LRRIQ3: variants seen among roughly 807,000 people sequenced by gnomAD.
The protein encoded by LRRIQ3 is leucine-rich repeat and IQ domain-containing protein 3.
LRRIQ3 carries 75 observed loss-of-function variants against 59.3 expected under a neutral mutation model. The ratio of observed to expected loss-of-function variants is 1.26; its 90% CI spans 1.05 to 1.53. The LOEUF is 1.53. LRRIQ3 is among the 40% of genes most tolerant of loss of function. The pLI is 0.00. For synonymous variants in LRRIQ3, 250 were observed against 231.3 expected, an observed-to-expected ratio of 1.08 and a Z score of -0.73; for missense variants, 831 against 710.0, an observed-to-expected ratio of 1.17 and a Z score of -1.94.
chr1:74,169,938 C>CT (rs1649219779), intron 3 of LRRIQ3, among the ~76,000 whole-genome samples: 3 of 152,016 alleles, frequency 2.0e-5, no homozygotes, highest in Non-Finnish European at 4.4e-5. Context: ...TTTCATATAT[C>CT]TTTTTTATGT....
intron 4 of LRRIQ3, among the ~76,000 whole-genome samples, chr1:74,154,590 G>A (rs953193999): frequency 6.6e-5 from 10 of 152,200 alleles, no homozygotes; most frequent in South Asian, 2.1e-4. Context: ...TTACATGAGC[G>A]TCAGTGAGAA....
At chr1:74,098,207 G>A (rs1189059923) in intron 5 of LRRIQ3, among the ~76,000 whole-genome samples, 1 of 152,040 alleles carries the variant, frequency 6.6e-6, no homozygotes. Flanking sequence ...AGGGATGGAG[G>A]AAGATTTACC....
Position 74,098,975 on chromosome 1 carries a change from G to A in LRRIQ3, c.867+10419C>T, listed in dbSNP as rs146530040. Among the ~76,000 whole-genome samples, 492 of 152,018 alleles carry A rather than the reference G, an allele frequency of 3.2e-3. 1 individual carries two copies. Among genetic ancestry groups the A allele is most frequent in the African/African-American group, 0.011 (459 of 41,482 alleles). On this transcript the variant is annotated intron_variant, in intron 5 of 7. Transcript: ENST00000354431. ...TAGGAAAGATCTAAAATTGACACCC[G>A]AACATCACAATGAAAAGAACTAGAG... is the stretch of plus-strand genomic sequence containing the variant.
In LRRIQ3 at chr1:74,055,160, C is replaced by T. The variant is rs374061282; in HGVS notation, c.998-13227G>A. ...ACACATGCATACATACACATACACA[C>T]ACATACATACATATACACTTTATAT... is the stretch of plus-strand genomic sequence containing the variant. On this transcript the variant is annotated intron_variant, in intron 6 of 7. Transcript: ENST00000354431. Among the ~76,000 whole-genome samples, 23 of 136,692 alleles carry T rather than the reference C, an allele frequency of 1.7e-4. No homozygotes were observed. In the East Asian group the frequency reaches 4.3e-3, roughly 26 times the overall value. The allele number at this position is 136,692 out of a possible 152,430, so 89.7% of individuals were successfully genotyped here.
At chr1:74,187,025 T>C (rs1376034553) in intron 1 of LRRIQ3, among the ~76,000 whole-genome samples, 1 of 151,490 alleles carries the variant, frequency 6.6e-6, no homozygotes, top group Non-Finnish European at 1.5e-5. Context: ...AATTAAAAAG[T>C]CAAAAAACAA....
chr1:74,155,604 G>T, intron 4 of LRRIQ3, 129 bp downstream of exon 4: 1 of 705,452 alleles, frequency 1.4e-6, no homozygotes, highest in Non-Finnish European at 2.2e-6. Flanking sequence ...TTAAAGTTAG[G>T]TTAAACAGAC....
chr1:74,163,243 CTTT>C (rs1648763932), intron 3 of LRRIQ3, among the ~76,000 whole-genome samples: 1 of 151,170 alleles, frequency 6.6e-6, no homozygotes, highest in African/African-American at 2.4e-5. Flanking sequence ...TCATTTTTAC[CTTT>C]TTATTTATTC....
intron 6 of LRRIQ3, 120 bp from the exon 7 acceptor site, chr1:74,042,053 T>C: frequency 9.8e-7 from 1 of 1,019,722 alleles, no homozygotes; most frequent in South Asian, 3.2e-5. Flanking sequence ...AGAAGAATTT[T>C]TCCCAAGTAC....
intron 4 of LRRIQ3, among the ~76,000 whole-genome samples, chr1:74,135,389 C>A (rs530962579): frequency 6.6e-6 from 1 of 151,962 alleles, no homozygotes; most frequent in African/African-American, 2.4e-5. Context: ...TATAGGAACT[C>A]TATCAACTAA....
intron 2 of LRRIQ3, chr1:74,183,161 C>G: frequency 3.2e-6 from 1 of 315,098 alleles, no homozygotes; most frequent in Admixed American, 4.6e-5. Context: ...CTTTCCTTAC[C>G]TAAGGAAAAT....
chr1:74,179,153 A>G (rs1649814561), intron 3 of LRRIQ3, among the ~76,000 whole-genome samples: 1 of 152,094 alleles, frequency 6.6e-6, no homozygotes, highest in African/African-American at 2.4e-5. Context: ...AAAAAGTTAC[A>G]TATATACAAC....
chr1:74,177,856 A>G (rs1169737970), intron 3 of LRRIQ3, among the ~76,000 whole-genome samples: 1 of 151,912 alleles, frequency 6.6e-6, no homozygotes, highest in African/African-American at 2.4e-5. Context: ...CTATGTGCTT[A>G]TTTTTCCACA....
intron 4 of LRRIQ3, 140 bp from the exon 5 acceptor site, chr1:74,109,693 TATATA>T: frequency 1.7e-6 from 1 of 596,766 alleles, no homozygotes; most frequent in Non-Finnish European, 2.6e-6. Context: ...ATAGTAGTGT[TATATA>T]ATGCTACTTA....
rs1425229044 is a variant in LRRIQ3, at chr1:74,041,804, T to C, written c.1127A>G (p.His376Arg). The change falls in exon 7 of 8, where the codon CAT (histidine) becomes CGT (arginine). Residue 376 changes from histidine (H) to arginine (R), a missense_variant. Transcript: ENST00000354431. Reference sequence around the variant, plus strand: ...TGGCTGAGGATATGCAGGAAAAAAATGTTGTTTTTTCTCTCTCAATACTGC... The same window carrying C: ...TGGCTGAGGATATGCAGGAAAAAAACGTTGTTTTTTCTCTCTCAATACTGC... ...NNAVLREKKQ[H>R]FFPAYPQPIY... is the part of the protein sequence containing the mutation. The C allele has an allele frequency of 5.0e-6, 8 of 1,613,294 alleles. No individual in the cohort carries two copies. Among genetic ancestry groups the C allele is most frequent in the South Asian group, 3.3e-5 (3 of 91,000 alleles).
rs76431904 is a variant in LRRIQ3, at chr1:74,069,535, A to T, written c.997+5126T>A. ...ATAAAATGAAGCTAGGAGAAATAAT[A>T]GCTTTAATTTAAGTTAAAGAAGATA... On this transcript the variant is annotated intron_variant, in intron 6 of 7. Coordinates refer to ENST00000354431, the MANE Select transcript of LRRIQ3 (RefSeq NM_001105659.2). 2.7e-3 allele frequency among the ~76,000 whole-genome samples: 418 copies of T among 152,182 alleles called. 1 individual carries two copies. The highest frequency in any genetic ancestry group is 9.5e-3 in the African/African-American group (394 of 41,582).
intron 1 of LRRIQ3, among the ~76,000 whole-genome samples, chr1:74,192,778 T>C (rs191705295): frequency 2.6e-4 from 40 of 152,286 alleles, no homozygotes; most frequent in Admixed American, 1.6e-3. Flanking sequence ...ACTAGTATTC[T>C]ATATTCAGAA....
intron 4 of LRRIQ3, among the ~76,000 whole-genome samples, chr1:74,131,229 A>T (rs1647013248): frequency 6.6e-6 from 1 of 152,142 alleles, no homozygotes; most frequent in Non-Finnish European, 1.5e-5. Flanking sequence ...TGAGGTAATA[A>T]TTAATAGCCT....
At position 74,182,597 on chromosome 1, in the gene LRRIQ3, C is replaced by T. The variant is rs374857928; in HGVS notation, c.514G>A (p.Glu172Lys). Residue 172 changes from glutamate (E) to lysine (K), a missense_variant, in exon 3 of 8, where the codon GAA becomes AAA. Physicochemically the swap from Glu to Lys is moderately conservative, Grantham distance 56. Coordinates refer to ENST00000354431, the MANE Select transcript of LRRIQ3 (RefSeq NM_001105659.2). ...EEIIQNWHLP[E>K]RFKACNHRLF... ...CGATGGTTACATGCTTTGAATCTTT[C>T]AGGAAGATGCCAGTTCTGAATTATT... The T allele has an allele frequency of 6.2e-7, 1 of 1,605,188 alleles. No individual in the cohort carries two copies. Among genetic ancestry groups the T allele is most frequent in the Non-Finnish European group, 8.5e-7 (1 of 1,175,672 alleles).
In LRRIQ3 at chr1:74,183,623, T is replaced by C. The variant is rs1211278635; in HGVS notation, c.62A>G (p.Glu21Gly). ...ATCTTTTTGACCTTCTCTTATGTTT[T>C]CATTATAGTGACTCCATTCTTCATG... ...TSHEEWSHYN[E>G]NIREGQKDFV... The change falls in exon 2 of 8, where the codon GAA becomes GGA. Residue 21 changes from glutamate (E) to glycine (G), a missense_variant. Coordinates refer to ENST00000354431, the MANE Select transcript of LRRIQ3 (RefSeq NM_001105659.2). The C allele has an allele frequency of 2.5e-6, 4 of 1,611,774 alleles. No individual in the cohort carries two copies. The Admixed American group carries it at 5.0e-5, about 20-fold the overall frequency.
Sources: gnomAD v4.1 joint callset for allele counts (sites outside exome capture counted in the v4.1 genomes callset) on GRCh38, gnomAD v4.1.1 for gene constraint, MANE v1.5 for transcripts, NCBI Gene and HGNC (gene_info 2026-07-23, HGNC 2026-07-21) for gene names.